ULK2: variants seen among roughly 807,000 people sequenced by gnomAD.
ULK2 encodes the protein serine/threonine-protein kinase ULK2.
ULK2 carries 76 observed loss-of-function variants against 127.5 expected under a neutral mutation model. That is an observed-to-expected ratio of 0.60 (90% confidence interval 0.50 to 0.72). ULK2 has a LOEUF of 0.72. Ranked by LOEUF, ULK2 falls within the 30% of genes least tolerant of loss-of-function variation. The pLI is 0.00. For missense variants in ULK2, 1,144 were observed against 1,295.9 expected, an observed-to-expected ratio of 0.88 and a Z score of 1.80; for synonymous variants, 452 against 461.9, an observed-to-expected ratio of 0.98 and a Z score of 0.28.
chr17:19,797,362 G>C, intron 18 of ULK2, 34 bp downstream of exon 18: 4 of 1,585,592 alleles, frequency 2.5e-6, no homozygotes, highest in Non-Finnish European at 3.4e-6. Context: ...TACTATACCA[G>C]TTCCTGACCT....
In ULK2 at chr17:19,795,693, T is replaced by C; in HGVS notation, c.2030A>G (p.Gln677Arg). The change falls in exon 20 of 27, where the codon CAA (glutamine) becomes CGA (arginine). Residue 677 changes from glutamine to arginine, a missense_variant. This residue lies in a region of ULK2 where 913 missense variants were observed against 970.5 expected (regional missense o/e 0.94). Transcript: ENST00000395544. ...ATGTCGACATATAGGAGTCTTTCCT[T>C]GTTGATCTGATAACTTCCCGGTACT... is the stretch of plus-strand genomic sequence containing the variant. ...SVSTGKLSDQQGKTPICRHQG... is the reference protein window; with the variant it reads ...SVSTGKLSDQRGKTPICRHQG... 3 of 1,614,160 alleles carry C rather than the reference T, an allele frequency of 1.9e-6. No homozygotes were observed. The highest frequency in any genetic ancestry group is 2.5e-6 in the Non-Finnish European group (3 of 1,180,016).
At chr17:19,805,302 T>C (rs183934088) in intron 14 of ULK2, among the ~76,000 whole-genome samples, 3 of 152,342 alleles carry the variant, frequency 2.0e-5, no homozygotes, top group Admixed American at 1.3e-4. Context: ...TTGCACAAAC[T>C]CTCAAAGCAT....
rs2086738026 is a variant in ULK2, at chr17:19,771,657, C to T, written c.*4692G>A. The T allele has an allele frequency of 6.6e-6, 1 of 152,188 alleles. No individual in the cohort carries two copies. Among genetic ancestry groups the T allele is most frequent in the Non-Finnish European group, 1.5e-5 (1 of 68,056 alleles). The allele number at this position is 152,188 out of a possible 1,614,324, so 9.4% of individuals were successfully genotyped here. A position where few individuals can be genotyped will look rare whatever the true frequency, so the allele number is the denominator to read the frequency against. On this transcript the variant is annotated 3_prime_UTR_variant, in exon 27 of 27. Coordinates refer to ENST00000395544, the MANE Select transcript of ULK2 (RefSeq NM_014683.4). ...TCATATTCATTAACTTATTTCTCAC[C>T]TCAACTCTGTGAGACATGCACTCTT...
Position 19,783,859 on chromosome 17 carries a change from G to A in ULK2, c.2298C>T (p.Arg766=), listed in dbSNP as rs755776906. Residue 766 remains arginine, a synonymous_variant, in exon 22 of 27, where the codon CGC becomes CGT. Transcript: ENST00000395544. The part of the protein sequence containing the change: ...SGGSLCAMSG[R]VCVGSPPGPG... ...GGCCAGGCGGGGACCCCACGCACACGCGGCCACTCATGGCACAAAGAGAGC... is the reference window on the plus strand; with the variant it reads ...GGCCAGGCGGGGACCCCACGCACACACGGCCACTCATGGCACAAAGAGAGC... The A allele has an allele frequency of 4.4e-6, 7 of 1,581,328 alleles. No individual in the cohort carries two copies. Among genetic ancestry groups the A allele is most frequent in the Non-Finnish European group, 6.0e-6 (7 of 1,164,596 alleles).
At chr17:19,789,684 T>C (rs560795641) in intron 20 of ULK2, among the ~76,000 whole-genome samples, 1 of 152,148 alleles carries the variant, frequency 6.6e-6, no homozygotes, top group South Asian at 2.1e-4. Flanking sequence ...TTCTATCAGA[T>C]AAATCTAACA....
At chr17:19,811,706 T>G (rs981506104) in intron 13 of ULK2, among the ~76,000 whole-genome samples, 2 of 152,146 alleles carry the variant, frequency 1.3e-5, no homozygotes, top group African/African-American at 4.8e-5. Context: ...CCTCCCAAAG[T>G]GCTGAGATTA....
At chr17:19,816,576 G>A (rs2040994158) in intron 13 of ULK2, 173 bp downstream of exon 13, 1 of 528,562 alleles carries the variant, frequency 1.9e-6, no homozygotes, top group Non-Finnish European at 2.9e-6. Flanking sequence ...AATAGAAGAT[G>A]ATTGAGCAAA....
chr17:19,856,940 G>A (rs2042143342), intron 3 of ULK2, among the ~76,000 whole-genome samples: 1 of 123,588 alleles, frequency 8.1e-6, no homozygotes, highest in Non-Finnish European at 1.6e-5. Context: ...TCGCACCACG[G>A]CACTCCAGCC....
intron 12 of ULK2, among the ~76,000 whole-genome samples, chr17:19,818,636 C>G (rs1459951067): frequency 6.6e-6 from 1 of 152,060 alleles, no homozygotes; most frequent in African/African-American, 2.4e-5. Flanking sequence ...CTCTATGTCC[C>G]CAGTGGCCTA....
At chr17:19,847,777 G>C (rs2041917952) in intron 5 of ULK2, among the ~76,000 whole-genome samples, 1 of 152,190 alleles carries the variant, frequency 6.6e-6, no homozygotes, top group Non-Finnish European at 1.5e-5. Flanking sequence ...TTGAACTCCT[G>C]ACCTAAGTGA....
intron 23 of ULK2, 138 bp from the exon 24 acceptor site, chr17:19,781,242 CTTTTTTTTTTT>C (rs200296663): frequency 6.4e-6 from 3 of 471,702 alleles, no homozygotes; most frequent in Non-Finnish European, 1.1e-5. Context: ...TCTTTCTTTT[CTTTTTTTTTTT>C]TTTTTTTTGA....
chr17:19,818,797 CTTTTTT>C (rs71157835), intron 12 of ULK2, among the ~76,000 whole-genome samples: 3 of 77,774 alleles, frequency 3.9e-5, no homozygotes, highest in African/African-American at 9.4e-5. Flanking sequence ...TTTCTTTTTT[CTTTTTT>C]TTTTTTTTTT....
chr17:19,800,751 A>AT (rs1220518188), intron 16 of ULK2, among the ~76,000 whole-genome samples: 4 of 151,572 alleles, frequency 2.6e-5, no homozygotes, highest in Non-Finnish European at 5.9e-5. Flanking sequence ...TCCTGGAAGT[A>AT]TTTTTTTTAC....
Position 19,799,523 on chromosome 17 carries a change from G to A in ULK2, c.1494C>T (p.Gly498=), listed in dbSNP as rs1597729559. 4 of 1,584,738 alleles carry A rather than the reference G, an allele frequency of 2.5e-6. No homozygotes were observed. The highest frequency in any genetic ancestry group is 3.4e-6 in the Non-Finnish European group (4 of 1,171,266). The change falls in exon 17 of 27, where the codon GGC becomes GGT. Residue 498 remains glycine (G), a synonymous_variant. Transcript: ENST00000395544. ...FSQCCCGHPQ[G]HDSRSRNSSG... is the part of the protein sequence containing the mutation. Reference sequence around the variant, plus strand: ...AGGAGTTTCTACTCCTGGAGTCATGGCCCTGAGGATGCCCACAGCAGCACT... The same window carrying A: ...AGGAGTTTCTACTCCTGGAGTCATGACCCTGAGGATGCCCACAGCAGCACT...
intron 2 of ULK2, 99 bp from the exon 3 acceptor site, chr17:19,864,943 G>A (rs1035613238): frequency 7.0e-6 from 3 of 427,356 alleles, no homozygotes; most frequent in Non-Finnish European, 1.2e-5. Context: ...TACACTTCTA[G>A]TATTATACTT....
intron 18 of ULK2, 28 bp from the exon 19 acceptor site, chr17:19,796,310 T>C (rs1445835015): frequency 2.7e-5 from 41 of 1,529,802 alleles, no homozygotes; most frequent in Non-Finnish European, 3.5e-5. Context: ...TATATATATA[T>C]GTAAACTAGT....
chr17:19,823,017 G>T (rs2041197737), intron 12 of ULK2, among the ~76,000 whole-genome samples: 1 of 149,432 alleles, frequency 6.7e-6, no homozygotes, highest in African/African-American at 2.5e-5. Context: ...ATAGAGGCAG[G>T]TTCTTACTAT....
chr17:19,813,852 A>G (rs1207643447), intron 13 of ULK2, among the ~76,000 whole-genome samples: 1 of 152,232 alleles, frequency 6.6e-6, no homozygotes, highest in Non-Finnish European at 1.5e-5. Flanking sequence ...TTAATATTGT[A>G]AAGAACCTGC....
chr17:19,801,036 C>T (rs187897389), intron 16 of ULK2, among the ~76,000 whole-genome samples: 8 of 152,206 alleles, frequency 5.3e-5, no homozygotes, highest in East Asian at 1.9e-4. Context: ...AGATCTGTAA[C>T]AAAGCTGCCA....
Sources: allele counts gnomAD v4.1 joint callset (sites outside exome capture counted in the v4.1 genomes callset), GRCh38; gene constraint gnomAD v4.1.1; regional missense constraint gnomAD v4.1.1; transcripts MANE v1.5; gene names NCBI Gene and HGNC (gene_info 2026-07-23, HGNC 2026-07-21).